FCHSD2: variants seen among roughly 807,000 people sequenced by gnomAD.
The protein encoded by FCHSD2 is FCH and double SH3 domains 2, also known as F-BAR and double SH3 domains protein 2.
Under a neutral mutation model 108.1 loss-of-function variants are expected in FCHSD2, and 38 were observed. The ratio of observed to expected loss-of-function variants is 0.35; its 90% confidence interval spans 0.27 to 0.46. The LOEUF is 0.46. Ranked by LOEUF, FCHSD2 falls within the 20% of genes least tolerant of loss-of-function variation. The pLI is 1.00. For synonymous variants in FCHSD2, 279 were observed against 314.7 expected (o/e 0.89, Z 1.20); for missense variants, 751 against 897.8 (o/e 0.84, Z 2.09).
At chr11:73,097,177 A>AT (rs1860107165) in intron 2 of FCHSD2, among the ~76,000 whole-genome samples, 1 of 149,088 alleles carries the variant, frequency 6.7e-6, no homozygotes, top group African/African-American at 2.5e-5. Context: ...TGATTTTTGT[A>AT]TTTTTTCGTA....
chr11:73,007,872 G>C (rs1259468968), intron 4 of FCHSD2, among the ~76,000 whole-genome samples: 2 of 152,174 alleles, frequency 1.3e-5, no homozygotes, highest in African/African-American at 4.8e-5. Flanking sequence ...ATTACCACTG[G>C]GAGAACTGGG....
chr11:72,965,709 T>A (rs749420617), intron 8 of FCHSD2, among the ~76,000 whole-genome samples: 1 of 152,240 alleles, frequency 6.6e-6, no homozygotes, highest in Non-Finnish European at 1.5e-5. Context: ...TTTCCCATTC[T>A]ATGTACACCC....
At chr11:72,846,795 GA>G (rs767183374) in intron 14 of FCHSD2, among the ~76,000 whole-genome samples, 3 of 152,020 alleles carry the variant, frequency 2.0e-5, no homozygotes, top group African/African-American at 4.8e-5. Context: ...AGAAAAGCTG[GA>G]AAATATGCAT....
Position 73,064,117 on chromosome 11 carries a change from T to G in FCHSD2, c.165+19578A>C, listed in dbSNP as rs182232673. On this transcript the variant is annotated intron_variant, in intron 3 of 19. Transcript: ENST00000409418. ...GGCCACAGTGCAATCAAACTAGAAC[T>G]CAGGATTAAGACACTCACTCAAAAC... Among the ~76,000 whole-genome samples the G allele has an allele frequency of 9.2e-5, 14 of 152,160 alleles. No individual in the cohort carries two copies. In the East Asian group the frequency reaches 2.7e-3, roughly 29 times the overall value.
chr11:72,892,350 T>A (rs1855330532), intron 10 of FCHSD2, among the ~76,000 whole-genome samples: 1 of 152,184 alleles, frequency 6.6e-6, no homozygotes, highest in Admixed American at 6.5e-5. Flanking sequence ...GGCTTTGAGA[T>A]CCTTTGGGTA....
At position 73,053,632 on chromosome 11, in the gene FCHSD2, A is replaced by C. The variant is rs1480096286; in HGVS notation, c.165+30063T>G. On this transcript the variant is annotated intron_variant, in intron 3 of 19. Coordinates refer to ENST00000409418, the MANE Select transcript of FCHSD2 (RefSeq NM_014824.3). ...AACCTAGATTAGATAAACTAATAGC[A>C]AAAAGCAAATCTATGTCATATTAAA... 2.6e-5 allele frequency among the ~76,000 whole-genome samples: 4 copies of C among 152,236 alleles called. No homozygotes were observed. In the East Asian group the frequency reaches 7.7e-4, roughly 29 times the overall value.
intron 3 of FCHSD2, among the ~76,000 whole-genome samples, chr11:73,035,190 G>A (rs928335968): frequency 7.0e-6 from 1 of 142,338 alleles, no homozygotes; most frequent in African/African-American, 2.6e-5. Context: ...ATGTATGTAT[G>A]TATGTATGTA....
intron 8 of FCHSD2, among the ~76,000 whole-genome samples, chr11:72,965,602 T>C (rs1245331853): frequency 6.6e-6 from 1 of 152,222 alleles, no homozygotes; most frequent in Non-Finnish European, 1.5e-5. Flanking sequence ...GTATAACATG[T>C]AAATGTGACT....
At chr11:73,050,933 A>G (rs967786911) in intron 3 of FCHSD2, among the ~76,000 whole-genome samples, 2 of 152,256 alleles carry the variant, frequency 1.3e-5, no homozygotes, top group Non-Finnish European at 2.9e-5. Flanking sequence ...TTACTGATAC[A>G]TAACAGGCAA....
At chr11:72,900,904 T>C (rs551112126) in intron 10 of FCHSD2, among the ~76,000 whole-genome samples, 2 of 152,358 alleles carry the variant, frequency 1.3e-5, no homozygotes, top group African/African-American at 2.4e-5. Flanking sequence ...TTTATGAATA[T>C]AATTTGATTT....
At chr11:72,994,487 G>C (rs775432885) in intron 5 of FCHSD2, among the ~76,000 whole-genome samples, 5 of 152,216 alleles carry the variant, frequency 3.3e-5, no homozygotes, top group Non-Finnish European at 5.9e-5. Context: ...TGAGTCACAC[G>C]GCAAGGATGT....
chr11:72,857,664 G>C (rs1861461519), intron 13 of FCHSD2, among the ~76,000 whole-genome samples: 3 of 151,276 alleles, frequency 2.0e-5, no homozygotes. Context: ...TGGCCAGGCT[G>C]GTCTTGAACT....
chr11:72,931,825 T>A (rs561744824), intron 8 of FCHSD2, among the ~76,000 whole-genome samples: 1 of 152,216 alleles, frequency 6.6e-6, no homozygotes, highest in Non-Finnish European at 1.5e-5. Context: ...ATCTGTCAAA[T>A]AGAATTGCAC....
At chr11:73,136,179 G>A (rs1440052806) in intron 2 of FCHSD2, among the ~76,000 whole-genome samples, 37 of 142,630 alleles carry the variant, frequency 2.6e-4, no homozygotes, top group African/African-American at 9.0e-4. Flanking sequence ...AAAAAAAAAA[G>A]AAAGAAAAAA....
At chr11:72,870,919 AAAG>A (rs1333061382) in intron 12 of FCHSD2, among the ~76,000 whole-genome samples, 1 of 151,462 alleles carries the variant, frequency 6.6e-6, no homozygotes, top group African/African-American at 2.4e-5. Flanking sequence ...AAAAAAAAAA[AAAG>A]AATTCCCCCT....
At chr11:72,901,290 G>A (rs1038920321) in intron 10 of FCHSD2, among the ~76,000 whole-genome samples, 7 of 103,498 alleles carry the variant, frequency 6.8e-5, no homozygotes, top group African/African-American at 2.4e-4. Context: ...CCAGCTAATC[G>A]GGAGGCTGAT....
chr11:73,000,813 A>G (rs113725147), intron 5 of FCHSD2, among the ~76,000 whole-genome samples, 177 bp downstream of exon 5: 1 of 152,346 alleles, frequency 6.6e-6, no homozygotes, highest in South Asian at 2.1e-4. Context: ...CATTTTTAGC[A>G]GTTAATAAAA....
intron 12 of FCHSD2, among the ~76,000 whole-genome samples, chr11:72,880,541 C>T (rs2135231859): frequency 6.6e-6 from 1 of 152,198 alleles, no homozygotes; most frequent in South Asian, 2.1e-4. Context: ...TGAATATCCA[C>T]CTGCCAAAGA....
intron 13 of FCHSD2, among the ~76,000 whole-genome samples, chr11:72,856,925 A>G (rs975071578): frequency 2.0e-5 from 3 of 152,326 alleles, no homozygotes; most frequent in African/African-American, 7.2e-5. Context: ...ACAGGCATTT[A>G]AAAAAACAGT....
Sources: gnomAD v4.1 joint callset for allele counts (sites outside exome capture counted in the v4.1 genomes callset) on GRCh38, gnomAD v4.1.1 for gene constraint, MANE v1.5 for transcripts, NCBI Gene and HGNC (gene_info 2026-07-23, HGNC 2026-07-21) for gene names.